The following PFDN1 variants were observed in gnomAD, a reference collection of about 807,000 sequenced individuals.
The protein encoded by PFDN1 is prefoldin subunit 1.
A neutral mutation model predicts 17.3 loss-of-function variants in PFDN1; 6 were observed. The ratio of observed to expected loss-of-function variants is 0.35; its 90% CI spans 0.19 to 0.69. The LOEUF is 0.69. Ranked by LOEUF, PFDN1 falls within the 30% of genes least tolerant of loss-of-function variation. The pLI is 0.65. For synonymous variants in PFDN1, 58 were observed against 50.1 expected, an observed-to-expected ratio of 1.16 and a Z score of -0.67; for missense variants, 113 against 146.2, an observed-to-expected ratio of 0.77 and a Z score of 1.17.
intron 3 of PFDN1, among the ~76,000 whole-genome samples, chr5:140,266,626 C>T (rs1236236412): frequency 1.3e-5 from 2 of 152,164 alleles, no homozygotes; most frequent in African/African-American, 2.4e-5. Flanking sequence ...TTTCAGACTA[C>T]GAAAATCAAT....
At position 140,279,119 on chromosome 5, in the gene PFDN1, TA is replaced by T. The variant is rs553715815; in HGVS notation, c.285+2329del. Among the ~76,000 whole-genome samples, 11 of 152,224 alleles carry T rather than the reference TA, an allele frequency of 7.2e-5. No individual in the cohort carries two copies. In the East Asian group the frequency reaches 1.3e-3, roughly 19 times the overall value. On this transcript the variant is annotated intron_variant, in intron 3 of 3. Transcript: ENST00000261813. ...AGTATATATAGCATAATTCCTATTT[TA>T]AAAAAAGGTTGTGTATATATATGCA...
intron 3 of PFDN1, among the ~76,000 whole-genome samples, chr5:140,269,646 C>G (rs1765178365): frequency 6.6e-6 from 1 of 152,154 alleles, no homozygotes; most frequent in Non-Finnish European, 1.5e-5. Flanking sequence ...AGACAATGAT[C>G]TGGACAAAGG....
intron 3 of PFDN1, among the ~76,000 whole-genome samples, chr5:140,277,598 C>T (rs1237884928): frequency 6.6e-6 from 1 of 151,828 alleles, no homozygotes; most frequent in Non-Finnish European, 1.5e-5. Flanking sequence ...CGCGTGGTAG[C>T]ATGCCTGTGG....
At chr5:140,302,517 G>T (rs951590706) in intron 1 of PFDN1, among the ~76,000 whole-genome samples, 2 of 152,154 alleles carry the variant, frequency 1.3e-5, no homozygotes, top group Non-Finnish European at 2.9e-5. Context: ...AGAAGTGGAG[G>T]GGGGGCAAAA....
intron 2 of PFDN1, among the ~76,000 whole-genome samples, chr5:140,297,351 T>C (rs1214972787): frequency 6.6e-6 from 1 of 152,152 alleles, no homozygotes. Context: ...CGACTATAAA[T>C]TCAGAAATAG....
chr5:140,284,176 A>G (rs1460273568), intron 2 of PFDN1, among the ~76,000 whole-genome samples: 1 of 152,242 alleles, frequency 6.6e-6, no homozygotes, highest in Non-Finnish European at 1.5e-5. Flanking sequence ...CCTTTGAGGT[A>G]GCTATACTGG....
intron 3 of PFDN1, among the ~76,000 whole-genome samples, chr5:140,264,119 G>C (rs989273967): frequency 1.4e-5 from 2 of 147,526 alleles, no homozygotes; most frequent in Non-Finnish European, 1.5e-5. Context: ...GCAAAAGAGA[G>C]TGAGTGGGAA....
At chr5:140,256,232 C>T (rs909357804) in intron 3 of PFDN1, among the ~76,000 whole-genome samples, 31 of 152,166 alleles carry the variant, frequency 2.0e-4, no homozygotes, top group Admixed American at 1.7e-3. Flanking sequence ...ACTCTCATCT[C>T]GGCCAGGTGT....
At chr5:140,263,960 GCAGTGAGC>G (rs1323329924) in intron 3 of PFDN1, among the ~76,000 whole-genome samples, 2 of 145,668 alleles carry the variant, frequency 1.4e-5, no homozygotes, top group Non-Finnish European at 3.0e-5. Context: ...GGTGGAGCTT[GCAGTGAGC>G]CGAGATTGCG....
chr5:140,246,108 C>T (rs1284887054), intron 3 of PFDN1, 51 bp from the exon 4 acceptor site: 2 of 1,081,512 alleles, frequency 1.8e-6, no homozygotes, highest in Non-Finnish European at 2.8e-6. Context: ...ATGGGCCGGG[C>T]TGGAAGACAC....
At chr5:140,284,221 C>A (rs548194167) in intron 2 of PFDN1, among the ~76,000 whole-genome samples, 1 of 152,258 alleles carries the variant, frequency 6.6e-6, no homozygotes, top group African/African-American at 2.4e-5. Flanking sequence ...GAGATTCCAC[C>A]GAAGCTGGCC....
At chr5:140,293,037 A>G (rs948085489) in intron 2 of PFDN1, 2 of 152,136 alleles carry the variant, frequency 1.3e-5, no homozygotes, top group African/African-American at 4.8e-5. Flanking sequence ...GATAAGTGGC[A>G]GCTAAAATCA....
At chr5:140,302,515 A>T (rs1275441558) in intron 1 of PFDN1, among the ~76,000 whole-genome samples, 1 of 152,066 alleles carries the variant, frequency 6.6e-6, no homozygotes, top group African/African-American at 2.4e-5. Context: ...AAAGAAGTGG[A>T]GGGGGGGCAA....
chr5:140,258,345 C>CA (rs1248080278), intron 3 of PFDN1, among the ~76,000 whole-genome samples: 4 of 151,126 alleles, frequency 2.6e-5, no homozygotes, highest in African/African-American at 9.7e-5. Context: ...CCAGGGCAGC[C>CA]AAAACCCCCC....
intron 3 of PFDN1, among the ~76,000 whole-genome samples, chr5:140,268,074 T>C (rs1165994604): frequency 6.6e-6 from 1 of 152,236 alleles, no homozygotes; most frequent in Non-Finnish European, 1.5e-5. Flanking sequence ...TGAATAGTGA[T>C]GGAATTCAAA....
chr5:140,294,207 T>C lies in PFDN1; in HGVS notation c.200+6209A>G, dbSNP rs560344468. Among the ~76,000 whole-genome samples the C allele has an allele frequency of 2.6e-5, 4 of 152,098 alleles. No homozygotes were observed. The South Asian group carries it at 6.2e-4, about 24-fold the overall frequency. ...TCACACATTATTTTTTCCCCTGTAG[T>C]ATGCACTAAATAAAATATCCAAATT... is the stretch of plus-strand genomic sequence containing the variant. On this transcript the variant is annotated intron_variant, in intron 2 of 3. Coordinates refer to ENST00000261813, the MANE Select transcript of PFDN1 (RefSeq NM_002622.5).
intron 2 of PFDN1, chr5:140,281,999 A>C: frequency 6.5e-6 from 1 of 153,516 alleles, no homozygotes; most frequent in Admixed American, 6.5e-5. Context: ...CCCAGGCAAC[A>C]TGATGAGACC....
chr5:140,249,151 T>C (rs1764876668), intron 3 of PFDN1, among the ~76,000 whole-genome samples: 1 of 152,198 alleles, frequency 6.6e-6, no homozygotes, highest in Non-Finnish European at 1.5e-5. Flanking sequence ...GCACCTGTTG[T>C]GGGTTGAACT....
chr5:140,276,773 A>C (rs1259827798), intron 3 of PFDN1, among the ~76,000 whole-genome samples: 1 of 103,362 alleles, frequency 9.7e-6, no homozygotes, highest in Non-Finnish European at 1.8e-5. Flanking sequence ...AGAGTGAGAC[A>C]CCGTCTCAAA....
Sources: gnomAD v4.1 joint callset for allele counts (sites outside exome capture counted in the v4.1 genomes callset) on GRCh38, gnomAD v4.1.1 for gene constraint, MANE v1.5 for transcripts, NCBI Gene and HGNC (gene_info 2026-07-23, HGNC 2026-07-21) for gene names.